The following KLC1 variants were observed in gnomAD, a reference collection of about 807,000 sequenced individuals.
KLC1 encodes kinesin light chain 1.
Under a neutral mutation model 84.2 loss-of-function variants are expected in KLC1, and 30 were observed. The observed-to-expected ratio is 0.36, with a 90% confidence interval of 0.27 to 0.48. The LOEUF is 0.48. Among genes scored for constraint, KLC1 ranks in the 20% least tolerant of loss-of-function variants. The probability of loss-of-function intolerance (pLI) is 0.99; values close to 1 mark genes in which losing one functional copy is unlikely to be tolerated. For synonymous variants in KLC1, 289 were observed against 293.3 expected (o/e 0.99, Z 0.15); for missense variants, 499 against 805.4 (o/e 0.62, Z 4.60).
chr14:103,696,161 G>C (rs1366838071), intron 15 of KLC1: 2 of 980,662 alleles, frequency 2.0e-6, no homozygotes, highest in African/African-American at 3.6e-5. Context: ...CATGGCATGG[G>C]AGCGTCTGGA....
intron 1 of KLC1, among the ~76,000 whole-genome samples, chr14:103,651,393 T>G (rs1031378494): frequency 1.3e-5 from 1 of 75,898 alleles, no homozygotes; most frequent in Non-Finnish European, 3.8e-5. Flanking sequence ...AGTTTCTTGG[T>G]TTTTTTTTAA....
At chr14:103,666,103 A>G (rs761294727) in intron 5 of KLC1, among the ~76,000 whole-genome samples, 8 of 150,346 alleles carry the variant, frequency 5.3e-5, no homozygotes, top group African/African-American at 1.2e-4. Flanking sequence ...TCTCGCTGTC[A>G]CCCAGGCTGG....
chr14:103,667,561 C>T (rs1417552608), intron 5 of KLC1, among the ~76,000 whole-genome samples: 1 of 152,082 alleles, frequency 6.6e-6, no homozygotes, highest in African/African-American at 2.4e-5. Context: ...GTCTTGAACT[C>T]CTGAGCTCAG....
At chr14:103,697,048 CTT>C in intron 15 of KLC1, 2 of 985,464 alleles carry the variant, frequency 2.0e-6, no homozygotes, top group Non-Finnish European at 2.4e-6. Context: ...GTACCTCTGT[CTT>C]TAAGCTGTCT....
chr14:103,662,935 A>C lies in KLC1; in HGVS notation c.797+8A>C. 6.3e-7 allele frequency: 1 copy of C among 1,581,256 alleles called. No homozygotes were observed. The highest frequency in any genetic ancestry group is 8.6e-7 in the Non-Finnish European group (1 of 1,163,202). On this transcript the variant is annotated splice_region_variant and intron_variant, in intron 5 of 16. Coordinates refer to ENST00000334553, the MANE Select transcript of KLC1 (RefSeq NM_001394837.1). ...CCTGGCCTTGGTGTACAGGCTAGTC[A>C]CTTTTGTTTACCTACTGAATTTTAC...
At chr14:103,686,335 A>C in intron 13 of KLC1, 1 of 486,174 alleles carries the variant, frequency 2.1e-6, no homozygotes, top group Non-Finnish European at 2.7e-6. Context: ...CTCACCAAGG[A>C]GTTCCTTCCA....
intron 16 of KLC1, 59 bp downstream of exon 16, chr14:103,700,786 C>T: frequency 1.5e-6 from 2 of 1,362,672 alleles, no homozygotes; most frequent in South Asian, 1.3e-5. Flanking sequence ...AGGGACTTTG[C>T]ACATGCAGGG....
chr14:103,691,076 G>A (rs944414758), intron 14 of KLC1, among the ~76,000 whole-genome samples: 4 of 151,824 alleles, frequency 2.6e-5, no homozygotes, highest in Admixed American at 1.3e-4. Flanking sequence ...TGACGAGTCT[G>A]ACATGAGCCC....
At chr14:103,683,669 G>GC (rs1219057239) in intron 13 of KLC1, 1 of 152,184 alleles carries the variant, frequency 6.6e-6, no homozygotes, top group Non-Finnish European at 1.5e-5. Flanking sequence ...CCTAGGTGGA[G>GC]CCCGGGGTCT....
intron 12 of KLC1, 141 bp from the exon 13 acceptor site, chr14:103,679,243 A>G: frequency 8.7e-7 from 1 of 1,147,018 alleles, no homozygotes; most frequent in Non-Finnish European, 1.2e-6. Context: ...CACCCCCTCC[A>G]AGGAACCACT....
At position 103,685,863 on chromosome 14, in the gene KLC1, T is replaced by C. The variant is rs77825237; in HGVS notation, c.1651-1218T>C. 4,007 of 1,160,674 alleles carry C rather than the reference T, an allele frequency of 3.5e-3. 113 individuals carry two copies. The African/African-American group carries it at 0.059, about 17-fold the overall frequency. The allele number at this position is 1,160,674 out of a possible 1,614,324, so 71.9% of individuals were successfully genotyped here. A position where few individuals can be genotyped will look rare whatever the true frequency, so the allele number is the denominator to read the frequency against. ...TTTGCCAGATATGTACTTAGTAATA[T>C]AAACTGTATTAATAAAATCCATTTA... On this transcript the variant is annotated intron_variant, in intron 13 of 16. Coordinates refer to ENST00000334553, the MANE Select transcript of KLC1 (RefSeq NM_001394837.1).
chr14:103,694,232 A>G lies in KLC1; in HGVS notation c.1848+1807A>G. On this transcript the variant is annotated intron_variant, in intron 15 of 16. Transcript: ENST00000334553. This position sits in a 1 kb window ranked among gnomAD's most constrained non-coding sequence, Gnocchi z 4.5. Reference sequence around the variant, plus strand: ...CCGGACGCCCCTGCACACGAAGCCCATAGAGACGTGTGTTTCACTTTTTTT... The same window carrying G: ...CCGGACGCCCCTGCACACGAAGCCCGTAGAGACGTGTGTTTCACTTTTTTT... 1 of 981,768 alleles carries G rather than the reference A, an allele frequency of 1.0e-6. No homozygotes were observed. Among genetic ancestry groups the G allele is most frequent in the African/African-American group, 1.8e-5 (1 of 56,262 alleles). 60.8% of individuals were successfully genotyped at this position (981,768 alleles called of 1,614,324 possible).
chr14:103,642,689 A>G (rs747083347), intron 1 of KLC1, among the ~76,000 whole-genome samples: 4 of 152,176 alleles, frequency 2.6e-5, no homozygotes, highest in Admixed American at 6.6e-5. Context: ...GGACACAGGA[A>G]CCAACTGAAA....
intron 13 of KLC1, among the ~76,000 whole-genome samples, chr14:103,682,095 G>C (rs945179919): frequency 5.3e-5 from 8 of 152,168 alleles, no homozygotes; most frequent in African/African-American, 1.9e-4. Flanking sequence ...ACCTTGCCGG[G>C]CGCGGTGGCT....
intron 1 of KLC1, among the ~76,000 whole-genome samples, chr14:103,652,752 A>G (rs998102944): frequency 2.6e-5 from 4 of 152,088 alleles, no homozygotes; most frequent in African/African-American, 7.2e-5. Context: ...TCGCCTCCCA[A>G]AGTGCTGGGA....
intron 5 of KLC1, among the ~76,000 whole-genome samples, chr14:103,666,418 C>T (rs2079834815): frequency 2.6e-5 from 4 of 151,828 alleles, no homozygotes; most frequent in African/African-American, 9.7e-5. Flanking sequence ...GCTAGTCCCA[C>T]TCCCAGAGTT....
In KLC1 at chr14:103,693,981, T is replaced by C. The variant is rs192152542; in HGVS notation, c.1848+1556T>C. 2.7e-6 allele frequency: 3 copies of C among 1,099,600 alleles called. No individual in the cohort carries two copies. Among genetic ancestry groups the C allele is most frequent in the Admixed American group, 9.7e-5 (2 of 20,660 alleles). 68.1% of individuals were successfully genotyped at this position (1,099,600 alleles called of 1,614,324 possible). ...CCATGACACCAGACTCTCTTTTAAA[T>C]TGTAATATTGTAATAAGGCTGTAAA... is the stretch of plus-strand genomic sequence containing the variant. On this transcript the variant is annotated intron_variant, in intron 15 of 16. Transcript: ENST00000334553. The surrounding 1 kb of genome is among the most constrained non-coding windows in gnomAD (Gnocchi z 5.1).
At chr14:103,676,365 T>C (rs1278745567) in intron 11 of KLC1, among the ~76,000 whole-genome samples, 1 of 152,052 alleles carries the variant, frequency 6.6e-6, no homozygotes, top group African/African-American at 2.4e-5. Flanking sequence ...ACCTCCCAGG[T>C]TCAAGTGATT....
intron 3 of KLC1, among the ~76,000 whole-genome samples, chr14:103,660,634 AC>A (rs2079200600): frequency 6.6e-6 from 1 of 151,988 alleles, no homozygotes; most frequent in Non-Finnish European, 1.5e-5. Flanking sequence ...ATTAAAAAAT[AC>A]AAAAAAATTA....
Sources: allele counts gnomAD v4.1 joint callset (sites outside exome capture counted in the v4.1 genomes callset), GRCh38; gene constraint gnomAD v4.1.1; non-coding constraint Gnocchi (gnomAD v3.1); transcripts MANE v1.5; gene names NCBI Gene and HGNC (gene_info 2026-07-23, HGNC 2026-07-21).